KIAA0513: variants seen among roughly 807,000 people sequenced by gnomAD.
KIAA0513 encodes KIAA0513.
A neutral mutation model predicts 56.5 loss-of-function variants in KIAA0513; 39 were observed. The observed-to-expected ratio is 0.69, with a 90% CI of 0.53 to 0.90. The LOEUF (loss-of-function observed/expected upper bound fraction) is 0.90, where lower values mean the gene tolerates loss of function less well. Among genes scored for constraint, KIAA0513 ranks in the 40% least tolerant of loss-of-function variants. The pLI, the probability that KIAA0513 is intolerant of heterozygous loss-of-function variation, is 0.00. For synonymous variants in KIAA0513, 268 were observed against 215.6 expected, an observed-to-expected ratio of 1.24 and a Z score of -2.13; for missense variants, 591 against 535.2, an observed-to-expected ratio of 1.10 and a Z score of -1.03.
chr16:85,085,749 G>A (rs1207661209), intron 10 of KIAA0513, among the ~76,000 whole-genome samples: 2 of 152,182 alleles, frequency 1.3e-5, no homozygotes, highest in East Asian at 1.9e-4. Flanking sequence ...CAGCACTCCC[G>A]TCTAAAGCAC....
intron 1 of KIAA0513, among the ~76,000 whole-genome samples, chr16:85,029,030 T>G (rs970635806): frequency 4.6e-5 from 7 of 152,236 alleles, no homozygotes; most frequent in Non-Finnish European, 8.8e-5. Flanking sequence ...ATATTGCATG[T>G]GAGCGTTCCT....
In KIAA0513 at chr16:85,071,765, CT is replaced by C. The variant is rs546709644; in HGVS notation, c.330-3del. ...GGGTTTTTTTTTTTTTTCCTCTGCT[CT>C]TTTTTTTTTTTTTTAGGGAGGACTT... On this transcript the variant is annotated splice_polypyrimidine_tract_variant and intron_variant, in intron 2 of 12. Transcript: ENST00000683363. 0.1 allele frequency: 120,441 copies of C among 1,157,670 alleles called. No homozygotes were observed. The highest frequency in any genetic ancestry group is 0.11 in the Non-Finnish European group (96,537 of 851,334). The allele number at this position is 1,157,670 out of a possible 1,614,324, so 71.7% of individuals were successfully genotyped here.
chr16:85,065,068 A>C (rs2073459182), intron 1 of KIAA0513, among the ~76,000 whole-genome samples: 1 of 152,170 alleles, frequency 6.6e-6, no homozygotes, highest in African/African-American at 2.4e-5. Context: ...GAGTTGTGTG[A>C]ATTTGTAGTA....
At chr16:85,057,982 C>T (rs2073353254) in intron 1 of KIAA0513, among the ~76,000 whole-genome samples, 1 of 152,118 alleles carries the variant, frequency 6.6e-6, no homozygotes, top group Middle Eastern at 3.2e-3. Flanking sequence ...GGAGTAGCCC[C>T]TACATATGGC....
At chr16:85,040,274 G>A (rs1283610688) in intron 1 of KIAA0513, among the ~76,000 whole-genome samples, 1 of 152,232 alleles carries the variant, frequency 6.6e-6, no homozygotes, top group Non-Finnish European at 1.5e-5. Context: ...CATCTAGCGA[G>A]TGGAGGCCAG....
chr16:85,074,639 C>T (rs1361838627), intron 4 of KIAA0513, among the ~76,000 whole-genome samples: 1 of 152,214 alleles, frequency 6.6e-6, no homozygotes, highest in Admixed American at 6.5e-5. Flanking sequence ...CATTTCCCCT[C>T]TGAGGTCTGG....
Position 85,087,072 on chromosome 16 carries a change from C to T in KIAA0513, c.1092C>T (p.Gly364=), listed in dbSNP as rs1361400698. ...GACGCTCTTGGGGTTTCTCCTGCAG[C>T]ACATTCACGCACAACATGCTGGCCT... ...FNENITFGQL[G]TFTHNMLAFG... The change falls in exon 12 of 13, where the codon GGC becomes GGT. Residue 364 remains glycine, a splice_region_variant and synonymous_variant. Coordinates refer to ENST00000683363, the MANE Select transcript of KIAA0513 (RefSeq NM_001388359.1). The T allele has an allele frequency of 3.1e-6, 5 of 1,614,050 alleles. No homozygotes were observed. The South Asian group carries it at 3.3e-5, about 11-fold the overall frequency.
intron 5 of KIAA0513, 86 bp from the exon 6 acceptor site, chr16:85,077,339 C>G: frequency 7.8e-7 from 1 of 1,288,528 alleles, no homozygotes; most frequent in Non-Finnish European, 1.1e-6. Context: ...GCACAGGACC[C>G]CTGCGGGGCT....
intron 1 of KIAA0513, among the ~76,000 whole-genome samples, chr16:85,041,714 G>A (rs2073105846): frequency 6.6e-6 from 1 of 152,156 alleles, no homozygotes; most frequent in Non-Finnish European, 1.5e-5. Context: ...TCCCGGACTT[G>A]GCACTGAGCA....
Position 85,089,105 on chromosome 16 carries a change from C to G in KIAA0513, c.*780C>G, listed in dbSNP as rs2073842459. On this transcript the variant is annotated 3_prime_UTR_variant, in exon 13 of 13. Coordinates refer to ENST00000683363, the MANE Select transcript of KIAA0513 (RefSeq NM_001388359.1). The surrounding 1 kb of genome is among the most constrained non-coding windows in gnomAD (Gnocchi z 4.2). ...AAATGCGCCCGCCTGGCGGACAGCTCCCTTCTGAAGCAGAGAAGCCTCCAT... is the reference window on the plus strand; with the variant it reads ...AAATGCGCCCGCCTGGCGGACAGCTGCCTTCTGAAGCAGAGAAGCCTCCAT... The G allele has an allele frequency of 6.6e-6, 1 of 152,288 alleles. No individual in the cohort carries two copies. 9.4% of individuals were successfully genotyped at this position (152,288 alleles called of 1,614,324 possible).
intron 1 of KIAA0513, among the ~76,000 whole-genome samples, chr16:85,034,780 C>T (rs2073012324): frequency 6.6e-6 from 1 of 152,156 alleles, no homozygotes; most frequent in Non-Finnish European, 1.5e-5. Context: ...GGTTACCGTC[C>T]CCATTTCACA....
chr16:85,076,041 A>T lies in KIAA0513; in HGVS notation c.574+127A>T. ...GGCCTCCAGAGAACAGAGGAAGCTG[A>T]TGTTAGGGAGGAGTGAGACTTCGGA... On this transcript the variant is annotated intron_variant, in intron 5 of 12. Coordinates refer to ENST00000683363, the MANE Select transcript of KIAA0513 (RefSeq NM_001388359.1). The surrounding 1 kb of genome is among the most constrained non-coding windows in gnomAD (Gnocchi z 4.7). The T allele has an allele frequency of 1.4e-6, 1 of 693,522 alleles. No individual in the cohort carries two copies. Among genetic ancestry groups the T allele is most frequent in the South Asian group, 1.6e-5 (1 of 60,786 alleles). The allele number at this position is 693,522 out of a possible 1,614,324, so 43.0% of individuals were successfully genotyped here.
At chr16:85,078,482 G>A (rs2073692823) in intron 7 of KIAA0513, 27 bp downstream of exon 7, 14 of 1,610,328 alleles carry the variant, frequency 8.7e-6, no homozygotes, top group Non-Finnish European at 1.2e-5. Flanking sequence ...AGCAGCAGGA[G>A]ACGCCCAGCC....
chr16:85,086,670 A>G lies in KIAA0513; in HGVS notation c.1037A>G (p.Glu346Gly). Residue 346 changes from glutamate to glycine, a missense_variant, in exon 11 of 13, where the codon GAG becomes GGG. Glu to Gly is a moderately conservative substitution (Grantham distance 98). Coordinates refer to ENST00000683363, the MANE Select transcript of KIAA0513 (RefSeq NM_001388359.1). ...KREKWCHMTQ[E>G]ERDDSLRFNE... ...GAGAAGTGGTGCCACATGACCCAGG[A>G]GGAGCGCGACGACAGCCTCCGGTTC... The G allele has an allele frequency of 6.2e-7, 1 of 1,613,778 alleles. No individual in the cohort carries two copies. Among genetic ancestry groups the G allele is most frequent in the Non-Finnish European group, 8.5e-7 (1 of 1,179,956 alleles).
intron 1 of KIAA0513, among the ~76,000 whole-genome samples, chr16:85,048,201 C>T (rs1341940114): frequency 1.3e-5 from 2 of 152,204 alleles, no homozygotes; most frequent in Admixed American, 6.5e-5. Context: ...CTAACTCCCT[C>T]ACCCATCTTT....
chr16:85,042,236 A>T (rs1243818764), intron 1 of KIAA0513, among the ~76,000 whole-genome samples: 1 of 152,200 alleles, frequency 6.6e-6, no homozygotes, highest in African/African-American at 2.4e-5. Flanking sequence ...GTCTCTACTA[A>T]AGTGGGAAAT....
intron 2 of KIAA0513, among the ~76,000 whole-genome samples, chr16:85,069,279 T>C (rs2144025498): frequency 6.6e-6 from 1 of 151,538 alleles, no homozygotes; most frequent in African/African-American, 2.4e-5. Flanking sequence ...GGTGCAGTCA[T>C]AGCTCACCAC....
At chr16:85,036,334 C>A (rs935594493) in intron 1 of KIAA0513, among the ~76,000 whole-genome samples, 2 of 152,164 alleles carry the variant, frequency 1.3e-5, no homozygotes, top group Admixed American at 6.5e-5. Context: ...CAGTCTCTGC[C>A]CCTGCCTCCC....
intron 1 of KIAA0513, among the ~76,000 whole-genome samples, chr16:85,039,970 G>A (rs980320849): frequency 3.0e-4 from 46 of 151,774 alleles, no homozygotes; most frequent in Non-Finnish European, 3.8e-4. Flanking sequence ...GAGTAGCTGG[G>A]ATTACAGGCA....
Sources: gnomAD v4.1 joint callset for allele counts (sites outside exome capture counted in the v4.1 genomes callset) on GRCh38, gnomAD v4.1.1 for gene constraint, Gnocchi (gnomAD v3.1) non-coding constraint, MANE v1.5 for transcripts, NCBI Gene and HGNC (gene_info 2026-07-23, HGNC 2026-07-21) for gene names.